DYM: variants seen among roughly 807,000 people sequenced by gnomAD.
DYM encodes the protein dymeclin.
In DYM, 78 loss-of-function variants were observed where a neutral mutation model predicts 93.1. The ratio of observed to expected loss-of-function variants is 0.84; its 90% confidence interval spans 0.70 to 1.01. The LOEUF is 1.01. Among genes scored for constraint, DYM ranks in the 50% least tolerant of loss-of-function variants. The pLI is 0.00. For synonymous variants in DYM, 321 were observed against 319.7 expected (o/e 1.00, Z -0.04); for missense variants, 789 against 845.0 (o/e 0.93, Z 0.82).
At chr18:49,161,811 T>C (rs181424314) in intron 15 of DYM, among the ~76,000 whole-genome samples, 17 of 152,372 alleles carry the variant, frequency 1.1e-4, no homozygotes, top group East Asian at 3.8e-4. Flanking sequence ...TTGTTTATCA[T>C]TGACTGATAT....
At chr18:49,148,346 A>T (rs2085400758) in intron 15 of DYM, among the ~76,000 whole-genome samples, 1 of 151,980 alleles carries the variant, frequency 6.6e-6, no homozygotes, top group African/African-American at 2.4e-5. Flanking sequence ...GTATAATTTT[A>T]AAAAAAGAAC....
At chr18:49,286,675 G>T in intron 8 of DYM, 59 bp from the exon 9 acceptor site, 1 of 1,513,450 alleles carries the variant, frequency 6.6e-7, no homozygotes, top group Non-Finnish European at 9.1e-7. Context: ...ATGTATTTCT[G>T]TAAAGTATTC....
intron 16 of DYM, among the ~76,000 whole-genome samples, chr18:49,100,144 A>T (rs758986945): frequency 6.6e-6 from 1 of 152,138 alleles, no homozygotes; most frequent in Non-Finnish European, 1.5e-5. Context: ...AAGGTTGTAA[A>T]GGCCAATACT....
rs72925833 is a variant in DYM at position 49,253,873 on chromosome 18, T to C, written c.1460+3137A>G. On this transcript the variant is annotated intron_variant, in intron 13 of 17. Transcript: ENST00000675505. The stretch of plus-strand genomic sequence containing the variant: ...AAGAAAAGACCTTCTTTTCTCTCCA[T>C]TCCTTTCGATTATTCTAAACTGTGA... Among the ~76,000 whole-genome samples, 939 of 152,296 alleles carry C rather than the reference T, an allele frequency of 6.2e-3. 3 individuals carry two copies. Among genetic ancestry groups the C allele is most frequent in the Non-Finnish European group, 0.01 (691 of 68,026 alleles).
rs561396401 is a variant in DYM, at chr18:49,118,078, C to T, written c.1911+666G>A. 1.1e-4 allele frequency among the ~76,000 whole-genome samples: 14 copies of T among 128,402 alleles called. No homozygotes were observed. The East Asian group carries it at 1.9e-3, about 17-fold the overall frequency. The allele number at this position is 128,402 out of a possible 152,430, so 84.2% of individuals were successfully genotyped here. On this transcript the variant is annotated intron_variant, in intron 16 of 17. Transcript: ENST00000675505. ...AGGCCAGAGTACAATGGTGTGATCT[C>T]GGCTCACTGCAACCTCTATTTCCTG...
chr18:49,080,219 A>C (rs1487352519), intron 17 of DYM, among the ~76,000 whole-genome samples: 4 of 76,420 alleles, frequency 5.2e-5, no homozygotes, highest in African/African-American at 2.2e-4. Flanking sequence ...CTGACCCCCC[A>C]ACCTCCCTCT....
In DYM at chr18:49,118,789, A is replaced by T; in HGVS notation, c.1866T>A (p.Phe622Leu). 1.2e-6 allele frequency: 2 copies of T among 1,614,140 alleles called. No individual in the cohort carries two copies. The highest frequency in any genetic ancestry group is 8.5e-7 in the Non-Finnish European group (1 of 1,180,008). ...LLYKRDLFEQ[F>L]RTHPSFQDIM... ...TATCCTGAAATGAAGGATGAGTTCG[A>T]AATTGTTCAAAGAGATCGCGTTTGT... Residue 622 changes from phenylalanine to leucine, a missense_variant, in exon 16 of 18, where the codon TTT (phenylalanine) becomes TTA (leucine). Phe to Leu is a conservative substitution (Grantham distance 22). Around this residue, in one of 3 missense-constraint regions of DYM, gnomAD observed 225 missense variants for 303.0 expected, o/e 0.74. Coordinates refer to ENST00000675505, the MANE Select transcript of DYM (RefSeq NM_001353214.3).
intron 1 of DYM, among the ~76,000 whole-genome samples, chr18:49,441,221 AATT>A (rs1359953417): frequency 3.7e-5 from 1 of 26,924 alleles, no homozygotes; most frequent in African/African-American, 1.1e-4. Flanking sequence ...TATTATATAT[AATT>A]ATATTATATA....
At chr18:49,058,091 T>A (rs903575384) in intron 17 of DYM, among the ~76,000 whole-genome samples, 1 of 152,216 alleles carries the variant, frequency 6.6e-6, no homozygotes, top group African/African-American at 2.4e-5. Flanking sequence ...GTCCATCTTC[T>A]GCCTTGGAAC....
intron 14 of DYM, among the ~76,000 whole-genome samples, chr18:49,192,576 G>A (rs1291255752): frequency 6.6e-6 from 1 of 152,134 alleles, no homozygotes; most frequent in Non-Finnish European, 1.5e-5. Context: ...AAGATCAATT[G>A]ACCACAGTTG....
At chr18:49,085,469 T>C (rs924635697) in intron 17 of DYM, among the ~76,000 whole-genome samples, 7 of 152,176 alleles carry the variant, frequency 4.6e-5, no homozygotes, top group Non-Finnish European at 1.0e-4. Context: ...TAGAACATGC[T>C]GGGAGTGATT....
chr18:49,444,438 A>T (rs2081932188), intron 1 of DYM, among the ~76,000 whole-genome samples: 1 of 152,174 alleles, frequency 6.6e-6, no homozygotes, highest in African/African-American at 2.4e-5. Flanking sequence ...AGTTAGAAGG[A>T]CAACAGGGTC....
intron 13 of DYM, among the ~76,000 whole-genome samples, chr18:49,241,471 A>G (rs2094007886): frequency 6.6e-6 from 1 of 152,212 alleles, no homozygotes; most frequent in African/African-American, 2.4e-5. Context: ...CAGCATCCAT[A>G]TAACACTGAC....
At chr18:49,424,680 G>A (rs1233519379) in intron 2 of DYM, among the ~76,000 whole-genome samples, 1 of 152,152 alleles carries the variant, frequency 6.6e-6, no homozygotes, top group African/African-American at 2.4e-5. Flanking sequence ...AAGCTGATAA[G>A]CAACTTCAGC....
At chr18:49,044,672 A>C (rs542550244) in intron 17 of DYM, among the ~76,000 whole-genome samples, 1 of 152,234 alleles carries the variant, frequency 6.6e-6, no homozygotes, top group South Asian at 2.1e-4. Flanking sequence ...AGGGGTAGGC[A>C]TGTGCCACCG....
At chr18:49,295,408 A>C (rs561007) in intron 8 of DYM, among the ~76,000 whole-genome samples, 89,235 of 152,052 alleles carry the variant, frequency 0.59, 26,802 homozygotes, top group Non-Finnish European at 0.66. Flanking sequence ...AACAAATGGG[A>C]TATGAACGGG....
chr18:49,265,069 A>T (rs2094548332), intron 11 of DYM, among the ~76,000 whole-genome samples: 1 of 152,232 alleles, frequency 6.6e-6, no homozygotes. Context: ...CCTATGTGGG[A>T]GTGGACAAAG....
chr18:49,130,064 T>C (rs1030150300), intron 15 of DYM, among the ~76,000 whole-genome samples: 1 of 152,172 alleles, frequency 6.6e-6, no homozygotes, highest in Non-Finnish European at 1.5e-5. Flanking sequence ...ACAGGTCTGC[T>C]ACCACTGGAG....
chr18:49,281,862 G>A (rs775840311), intron 10 of DYM, 135 bp downstream of exon 10: 10 of 805,796 alleles, frequency 1.2e-5, no homozygotes, highest in Non-Finnish European at 1.9e-5. Flanking sequence ...TAAATGACGA[G>A]TTCCTGGGTG....
Sources: gnomAD v4.1 joint callset for allele counts (sites outside exome capture counted in the v4.1 genomes callset) on GRCh38, gnomAD v4.1.1 for gene constraint, gnomAD v4.1.1 regional missense constraint, MANE v1.5 for transcripts, NCBI Gene and HGNC (gene_info 2026-07-23, HGNC 2026-07-21) for gene names.